The following CLVS1 variants were observed in gnomAD, a reference collection of about 807,000 sequenced individuals.
CLVS1 encodes clavesin 1, also known as clavesin-1.
Under a neutral mutation model 33.1 loss-of-function variants are expected in CLVS1, and 10 were observed. The observed-to-expected ratio is 0.30, with a 90% CI of 0.19 to 0.51. CLVS1 has a LOEUF of 0.51. Among genes scored for constraint, CLVS1 ranks in the 20% least tolerant of loss-of-function variants. The probability of loss-of-function intolerance (pLI) is 0.97; values close to 1 mark genes in which losing one functional copy is unlikely to be tolerated. For missense variants in CLVS1, 343 were observed against 433.4 expected, an observed-to-expected ratio of 0.79 and a Z score of 1.85; for synonymous variants, 163 against 166.1, an observed-to-expected ratio of 0.98 and a Z score of 0.14.
the CLVS1 span, among the ~76,000 whole-genome samples, chr8:60,997,730 T>C: frequency 6.6e-6 from 1 of 152,216 alleles, no homozygotes; most frequent in Non-Finnish European, 1.5e-5. Context: ...CCACCCTCCC[T>C]AGAAGCTGTG....
At chr8:61,041,851 T>C in the CLVS1 span, among the ~76,000 whole-genome samples, 1 of 152,186 alleles carries the variant, frequency 6.6e-6, no homozygotes, top group African/African-American at 2.4e-5. Context: ...TTGGATACCT[T>C]GTATTTCTTT....
chr8:61,362,722 T>C (rs181377954), intron 2 of CLVS1, among the ~76,000 whole-genome samples: 50 of 152,348 alleles, frequency 3.3e-4, no homozygotes, highest in African/African-American at 1.2e-3. Context: ...CAAAGATTCC[T>C]GTTAGCTCTC....
rs1164609678 is a variant in CLVS1 at position 61,500,782 on chromosome 8, A to T, written c.*1240A>T. 1 of 152,208 alleles carries T rather than the reference A, an allele frequency of 6.6e-6. No homozygotes were observed. Among genetic ancestry groups the T allele is most frequent in the African/African-American group, 2.4e-5 (1 of 41,464 alleles). 9.4% of individuals were successfully genotyped at this position (152,208 alleles called of 1,614,324 possible). ...TACCAGTTGGTGCTCAAAGTCAAACAAAAATATTTTAGTTAATAATGGGCA... is the reference window on the plus strand; with the variant it reads ...TACCAGTTGGTGCTCAAAGTCAAACTAAAATATTTTAGTTAATAATGGGCA... On this transcript the variant is annotated 3_prime_UTR_variant, in exon 6 of 6. Transcript: ENST00000325897.
At chr8:61,443,661 A>T (rs1390464440) in intron 3 of CLVS1, among the ~76,000 whole-genome samples, 2 of 152,200 alleles carry the variant, frequency 1.3e-5, no homozygotes, top group Non-Finnish European at 2.9e-5. Context: ...ATAAACCTTG[A>T]AATTTGGTAG....
At chr8:61,316,689 GCT>G (rs926483488) in intron 2 of CLVS1, among the ~76,000 whole-genome samples, 64 of 152,302 alleles carry the variant, frequency 4.2e-4, no homozygotes, top group African/African-American at 1.5e-3. Context: ...GATATATTTT[GCT>G]CTCTCACACA....
chr8:60,998,134 T>C, the CLVS1 span, among the ~76,000 whole-genome samples: 1 of 152,200 alleles, frequency 6.6e-6, no homozygotes, highest in Non-Finnish European at 1.5e-5. Context: ...TCAAGGAGGA[T>C]GTAAGACAAA....
the CLVS1 span, among the ~76,000 whole-genome samples, chr8:60,990,749 C>A: frequency 1.4e-4 from 21 of 149,998 alleles, no homozygotes; most frequent in Middle Eastern, 3.5e-3. Context: ...CATTCTATCA[C>A]CCAGACTGGA....
At chr8:61,480,976 G>T (rs1251073977) in intron 5 of CLVS1, among the ~76,000 whole-genome samples, 1 of 152,160 alleles carries the variant, frequency 6.6e-6, no homozygotes, top group Admixed American at 6.5e-5. Context: ...GTCATCCAGA[G>T]CTGGGATTTG....
the CLVS1 span, among the ~76,000 whole-genome samples, chr8:61,032,984 GGAAGGAAGGAAAGAAA>G: frequency 4.7e-3 from 370 of 77,950 alleles, 9 homozygotes; most frequent in African/African-American, 0.019. Flanking sequence ...AAGGAAGGAA[GGAAGGAAGGAAAGAAA>G]GAAAGAAAGA....
chr8:61,018,252 A>G, the CLVS1 span, among the ~76,000 whole-genome samples: 2 of 152,152 alleles, frequency 1.3e-5, no homozygotes, highest in African/African-American at 2.4e-5. Flanking sequence ...TCTCTTTTCT[A>G]TGACTCCAAA....
the CLVS1 span, among the ~76,000 whole-genome samples, chr8:60,997,461 A>T: frequency 6.6e-6 from 1 of 152,246 alleles, no homozygotes; most frequent in African/African-American, 2.4e-5. Context: ...TAGCATCTAT[A>T]TGCATGCACA....
At chr8:61,488,730 A>G (rs2129608511) in intron 5 of CLVS1, among the ~76,000 whole-genome samples, 1 of 152,318 alleles carries the variant, frequency 6.6e-6, no homozygotes, top group Non-Finnish European at 1.5e-5. Context: ...AAAAACTGAG[A>G]TGAGTTAGCT....
chr8:61,499,422 G>C (rs373016317), intron 5 of CLVS1, 33 bp from the exon 6 acceptor site: 119 of 1,486,190 alleles, frequency 8.0e-5, no homozygotes, highest in Non-Finnish European at 1.1e-4. Context: ...TGAATTGTTT[G>C]TAATTCTGTC....
intron 1 of CLVS1, among the ~76,000 whole-genome samples, chr8:61,110,412 C>T (rs1216672117): frequency 6.6e-6 from 1 of 152,042 alleles, no homozygotes; most frequent in Non-Finnish European, 1.5e-5. Context: ...CCAGTTTTGT[C>T]TTAGATTGAA....
chr8:61,322,954 T>A (rs905178604), intron 2 of CLVS1, among the ~76,000 whole-genome samples: 7 of 152,304 alleles, frequency 4.6e-5, no homozygotes, highest in African/African-American at 1.7e-4. Context: ...TCTCTTGTGG[T>A]ACTCCGAATA....
intron 2 of CLVS1, among the ~76,000 whole-genome samples, chr8:61,311,976 G>A (rs1810847786): frequency 6.6e-6 from 1 of 152,230 alleles, no homozygotes; most frequent in African/African-American, 2.4e-5. Context: ...TTGCCTGTAT[G>A]CTACATTCAC....
intron 2 of CLVS1, among the ~76,000 whole-genome samples, chr8:61,175,357 C>G (rs902581470): frequency 6.6e-6 from 1 of 152,128 alleles, no homozygotes; most frequent in Non-Finnish European, 1.5e-5. Context: ...ATCTATGAAC[C>G]AGGGAACAAG....
intron 3 of CLVS1, among the ~76,000 whole-genome samples, chr8:61,414,887 A>T (rs1429779816): frequency 6.6e-6 from 1 of 152,198 alleles, no homozygotes; most frequent in Non-Finnish European, 1.5e-5. Flanking sequence ...CCAGCCAGGG[A>T]CAATTACCTA....
intron 2 of CLVS1, among the ~76,000 whole-genome samples, chr8:61,338,993 T>TGTGTGTGTGC: frequency 7.2e-6 from 1 of 138,476 alleles, no homozygotes; most frequent in Non-Finnish European, 1.6e-5. Flanking sequence ...TGTGTGTGTG[T>TGTGTGTGTGC]ATGCATGTGA....
Sources: gnomAD v4.1 joint callset for allele counts (sites outside exome capture counted in the v4.1 genomes callset) on GRCh38, gnomAD v4.1.1 for gene constraint, MANE v1.5 for transcripts, NCBI Gene and HGNC (gene_info 2026-07-23, HGNC 2026-07-21) for gene names.